Variants in SH3BGRL2 observed in about 807,000 individuals in gnomAD.
SH3BGRL2 encodes the protein SH3 domain binding glutamate rich protein like 2.
SH3BGRL2 carries 21 observed loss-of-function variants against 14.8 expected under a neutral mutation model. The ratio of observed to expected loss-of-function variants is 1.42; its 90% CI spans 1.01 to 2.05. The LOEUF (loss-of-function observed/expected upper bound fraction) is 2.05. Among genes scored for constraint, SH3BGRL2 ranks in the 30% most tolerant of loss-of-function variants. The probability of loss-of-function intolerance (pLI) is 0.00; values close to 1 mark genes in which losing one functional copy is unlikely to be tolerated. For missense variants in SH3BGRL2, 147 were observed against 130.8 expected, an observed-to-expected ratio of 1.12 and a Z score of -0.61; for synonymous variants, 50 against 47.8, an observed-to-expected ratio of 1.05 and a Z score of -0.19.
chr6:79,641,186 GTGTGTGTGTGGTTT>G (rs1769027891), intron 1 of SH3BGRL2, among the ~76,000 whole-genome samples: 1 of 149,706 alleles, frequency 6.7e-6, no homozygotes, highest in Non-Finnish European at 1.5e-5. Context: ...GTGTGTGTGT[GTGTGTGTGTGGTTT>G]GTTTTAAATC....
intron 1 of SH3BGRL2, among the ~76,000 whole-genome samples, chr6:79,640,804 C>G (rs1769016349): frequency 6.6e-6 from 1 of 152,030 alleles, no homozygotes; most frequent in Non-Finnish European, 1.5e-5. Flanking sequence ...TTTGCCATTT[C>G]CTACTGGGTC....
rs568212466 is a variant in SH3BGRL2 at position 79,662,791 on chromosome 6, C to T, written c.46-10823C>T. 2.3e-3 allele frequency among the ~76,000 whole-genome samples: 348 copies of T among 152,268 alleles called. 1 individual carries two copies. Among genetic ancestry groups the T allele is most frequent in the African/African-American group, 8.1e-3 (336 of 41,556 alleles). On this transcript the variant is annotated intron_variant, in intron 1 of 3. Transcript: ENST00000369838. ...ATCACTTTCAGGTACACCAATCAAA[C>T]GTAGATTTGGTCTTTTCACATAGTC...
chr6:79,655,031 C>T (rs569358244), intron 1 of SH3BGRL2, among the ~76,000 whole-genome samples: 8 of 152,176 alleles, frequency 5.3e-5, no homozygotes, highest in South Asian at 2.1e-4. Flanking sequence ...AATGTTTACA[C>T]GCAAAACTCT....
intron 1 of SH3BGRL2, among the ~76,000 whole-genome samples, chr6:79,666,750 C>G (rs1478610426): frequency 6.6e-6 from 1 of 152,172 alleles, no homozygotes; most frequent in Admixed American, 6.5e-5. Context: ...TTTTCTCTCA[C>G]TGTCTGACTT....
intron 1 of SH3BGRL2, among the ~76,000 whole-genome samples, chr6:79,640,951 G>A (rs1769020303): frequency 6.6e-6 from 1 of 152,170 alleles, no homozygotes; most frequent in Non-Finnish European, 1.5e-5. Flanking sequence ...TGCAAATATA[G>A]TTAAAGTCAG....
intron 1 of SH3BGRL2, among the ~76,000 whole-genome samples, 192 bp from the exon 2 acceptor site, chr6:79,673,422 C>T (rs1769813948): frequency 6.6e-6 from 1 of 151,416 alleles, no homozygotes; most frequent in African/African-American, 2.4e-5. Context: ...ATAGCAATAA[C>T]AACATCAAAG....
At chr6:79,620,974 G>A in the SH3BGRL2 span, among the ~76,000 whole-genome samples, 5 of 151,816 alleles carry the variant, frequency 3.3e-5, no homozygotes, top group African/African-American at 1.2e-4. Flanking sequence ...TGTTGGCCAG[G>A]CTGGTCTTAA....
At chr6:79,642,204 A>C (rs973763253) in intron 1 of SH3BGRL2, among the ~76,000 whole-genome samples, 3 of 152,226 alleles carry the variant, frequency 2.0e-5, no homozygotes, top group Non-Finnish European at 2.9e-5. Flanking sequence ...GAACATGTAC[A>C]GACTTTTTCT....
chr6:79,631,506 G>C lies in SH3BGRL2; in HGVS notation c.45G>C (p.Ala15=), dbSNP rs771206466. Residue 15 remains alanine (A), a splice_region_variant and synonymous_variant, in exon 1 of 4, where the codon GCG becomes GCC. Coordinates refer to ENST00000369838, the MANE Select transcript of SH3BGRL2 (RefSeq NM_031469.4). ...TCGCCTCTTCCTCGGGCTTCGTGGC[G>C]GTGAGCGCGGTGGGGGCGGGCAGTA... is the stretch of plus-strand genomic sequence containing the variant. ...VFIASSSGFV[A]IKKKQQDVVR... 3.4e-6 allele frequency: 5 copies of C among 1,470,410 alleles called. No homozygotes were observed. In the African/African-American group the frequency reaches 5.8e-5, roughly 17 times the overall value. 91.1% of individuals were successfully genotyped at this position (1,470,410 alleles called of 1,614,324 possible). A position where few individuals can be genotyped will look rare whatever the true frequency, so the allele number is the denominator to read the frequency against.
chr6:79,630,453 T>C (rs1306189828), upstream of SH3BGRL2, among the ~76,000 whole-genome samples: 1 of 152,198 alleles, frequency 6.6e-6, no homozygotes, highest in Non-Finnish European at 1.5e-5. Flanking sequence ...CAGAAAGCAC[T>C]TGATAAAAAA....
intron 1 of SH3BGRL2, among the ~76,000 whole-genome samples, chr6:79,656,596 A>T (rs1769423832): frequency 6.6e-6 from 1 of 152,228 alleles, no homozygotes; most frequent in Non-Finnish European, 1.5e-5. Context: ...GATGAAAAAT[A>T]TTCAGAAGAA....
At chr6:79,563,104 G>A in the SH3BGRL2 span, among the ~76,000 whole-genome samples, 2 of 151,820 alleles carry the variant, frequency 1.3e-5, no homozygotes, top group South Asian at 2.1e-4. Flanking sequence ...TACAGGCACC[G>A]GCCACCATGC....
At chr6:79,541,114 G>A in the SH3BGRL2 span, among the ~76,000 whole-genome samples, 1,600 of 152,096 alleles carry the variant, frequency 0.011, 60 homozygotes, top group South Asian at 0.11. Context: ...TTAGCCAGAC[G>A]TGGTGGTGTG....
chr6:79,669,964 A>G (rs964217707), intron 1 of SH3BGRL2, among the ~76,000 whole-genome samples: 8 of 152,196 alleles, frequency 5.3e-5, no homozygotes, highest in Admixed American at 4.6e-4. Flanking sequence ...TCAAAGGTTG[A>G]CAAGCCTTTT....
chr6:79,567,903 G>T, the SH3BGRL2 span, among the ~76,000 whole-genome samples: 1 of 152,066 alleles, frequency 6.6e-6, no homozygotes. Flanking sequence ...TAAAGACACA[G>T]AAACCAATAG....
the SH3BGRL2 span, among the ~76,000 whole-genome samples, chr6:79,573,249 T>C: frequency 6.6e-6 from 1 of 152,270 alleles, no homozygotes; most frequent in South Asian, 2.1e-4. Flanking sequence ...TATTAAATGG[T>C]TTATCTTTCC....
the SH3BGRL2 span, among the ~76,000 whole-genome samples, chr6:79,546,923 G>A: frequency 6.6e-6 from 1 of 151,836 alleles, no homozygotes; most frequent in Non-Finnish European, 1.5e-5. Context: ...CTCATGATCC[G>A]CCTGCCTCAG....
intron 3 of SH3BGRL2, among the ~76,000 whole-genome samples, chr6:79,697,306 C>T (rs1387290276): frequency 6.6e-6 from 1 of 152,010 alleles, no homozygotes; most frequent in Non-Finnish European, 1.5e-5. Context: ...AATCACCACC[C>T]AGAGCTAACC....
the SH3BGRL2 span, among the ~76,000 whole-genome samples, chr6:79,596,039 CAAAAT>C: frequency 2.6e-5 from 4 of 152,026 alleles, no homozygotes; most frequent in African/African-American, 7.2e-5. Context: ...AATAAACAAA[CAAAAT>C]AAAATTAAAC....
Sources: allele counts gnomAD v4.1 joint callset (sites outside exome capture counted in the v4.1 genomes callset), GRCh38; gene constraint gnomAD v4.1.1; transcripts MANE v1.5; gene names NCBI Gene and HGNC (gene_info 2026-07-23, HGNC 2026-07-21).